SYT15B: variants seen among roughly 807,000 people sequenced by gnomAD.
The protein encoded by SYT15B is synaptotagmin 15B.
the SYT15B span, chr10:47,750,960 AAAAT>A: frequency 6.7e-6 from 1 of 148,318 alleles, no homozygotes; most frequent in Non-Finnish European, 1.5e-5. Context: ...ATAAAGGAGA[AAAAT>A]AAAATTATTT....
the SYT15B span, among the ~76,000 whole-genome samples, chr10:47,749,880 C>CA: frequency 2.0e-3 from 308 of 150,270 alleles, 15 homozygotes; most frequent in East Asian, 0.051. Context: ...ATTCAAGAGA[C>CA]ATGACATCAT....
chr10:47,756,301 G>GCCTCCTA, the SYT15B span: 1 of 192,090 alleles, frequency 5.2e-6, no homozygotes, highest in South Asian at 2.8e-4. Flanking sequence ...CCGGCTAGGA[G>GCCTCCTA]GGCACGTGCC....
the SYT15B span, among the ~76,000 whole-genome samples, chr10:47,756,409 G>A: frequency 3.9e-5 from 5 of 127,512 alleles, no homozygotes; most frequent in Non-Finnish European, 8.3e-5. Context: ...CTGCGGCCCA[G>A]GCGGGGCTCC....
chr10:47,747,977 C>G, the SYT15B span, among the ~76,000 whole-genome samples: 1 of 151,934 alleles, frequency 6.6e-6, no homozygotes, highest in Non-Finnish European at 1.5e-5. Context: ...AAACTCTAAG[C>G]TGAAGAACAG....
chr10:47,761,102 GCACACA>G, the SYT15B span, among the ~76,000 whole-genome samples: 186 of 145,572 alleles, frequency 1.3e-3, 5 homozygotes, highest in African/African-American at 4.3e-3. Flanking sequence ...ACACACACAC[GCACACA>G]CACACACACA....
the SYT15B span, chr10:47,757,915 C>G: frequency 6.3e-7 from 1 of 1,584,398 alleles, no homozygotes; most frequent in Non-Finnish European, 8.6e-7. Context: ...GTGACCTTGA[C>G]CATACCTCCA....
chr10:47,762,345 G>A, the SYT15B span, among the ~76,000 whole-genome samples: 1 of 145,834 alleles, frequency 6.9e-6, no homozygotes, highest in African/African-American at 2.5e-5. Context: ...CACCTGGGGC[G>A]GGCCAAAAAG....
the SYT15B span, among the ~76,000 whole-genome samples, chr10:47,749,381 A>C: frequency 6.6e-6 from 1 of 151,846 alleles, no homozygotes; most frequent in Non-Finnish European, 1.5e-5. Context: ...ATAATAAAAA[A>C]AAAACAGAGT....
the SYT15B span, among the ~76,000 whole-genome samples, chr10:47,761,834 AGAG>A: frequency 8.3e-6 from 1 of 120,208 alleles, no homozygotes; most frequent in African/African-American, 3.0e-5. Context: ...GCCAGCTCTC[AGAG>A]GAGAAGCCGT....
chr10:47,750,990 A>T, the SYT15B span: 10 of 144,072 alleles, frequency 6.9e-5, no homozygotes, highest in African/African-American at 2.3e-4. Context: ...GGTGCAGAGT[A>T]AGTATTTGAG....
At chr10:47,762,908 A>T in the SYT15B span, 1 of 1,418,526 alleles carries the variant, frequency 7.0e-7, no homozygotes, top group Non-Finnish European at 9.2e-7. Flanking sequence ...GAGCTCCCGG[A>T]AACCGCAGGG....
At chr10:47,746,640 T>G in the SYT15B span, among the ~76,000 whole-genome samples, 53 of 126,614 alleles carry the variant, frequency 4.2e-4, no homozygotes, top group African/African-American at 1.5e-3. Flanking sequence ...ATGGCGCCAC[T>G]GCACTCCAGC....
chr10:47,762,133 G>C, the SYT15B span, among the ~76,000 whole-genome samples: 1 of 144,940 alleles, frequency 6.9e-6, no homozygotes, highest in Non-Finnish European at 1.5e-5. Context: ...TGCAAGGCTG[G>C]ACTCTTCTCT....
chr10:47,756,560 C>T, the SYT15B span, among the ~76,000 whole-genome samples: 3 of 146,818 alleles, frequency 2.0e-5, no homozygotes, highest in African/African-American at 7.5e-5. Flanking sequence ...CCCTGGGGCC[C>T]CTTAAACACC....
chr10:47,762,207 C>CT, the SYT15B span, among the ~76,000 whole-genome samples: 1 of 151,844 alleles, frequency 6.6e-6, no homozygotes, highest in African/African-American at 2.4e-5. Context: ...GTTGGTGCGA[C>CT]GCGGTGGACG....
chr10:47,749,556 C>CTGGGAAACAATAAAAAA, the SYT15B span, among the ~76,000 whole-genome samples: 1 of 143,370 alleles, frequency 7.0e-6, no homozygotes, highest in Non-Finnish European at 1.5e-5. Context: ...ATAGCATTGT[C>CTGGGAAACAATAAAAAA]TGGGAAACAA....
chr10:47,762,835 C>T, the SYT15B span: 28 of 1,383,736 alleles, frequency 2.0e-5, no homozygotes, highest in Non-Finnish European at 2.5e-5. Flanking sequence ...GGCCGCAGTC[C>T]CGCCCCAGCC....
the SYT15B span, chr10:47,750,923 A>G: frequency 6.6e-6 from 1 of 151,042 alleles, no homozygotes; most frequent in Non-Finnish European, 1.5e-5. Flanking sequence ...TCAACAGTCA[A>G]TTAGTATAAG....
At chr10:47,747,125 T>G in the SYT15B span, among the ~76,000 whole-genome samples, 1 of 148,408 alleles carries the variant, frequency 6.7e-6, no homozygotes, top group Non-Finnish European at 1.5e-5. Context: ...GTGAACTACT[T>G]TTCCCTTCAG....
Sources: gnomAD v4.1 joint callset for allele counts (sites outside exome capture counted in the v4.1 genomes callset) on GRCh38, gnomAD v4.1.1 for gene constraint, MANE v1.5 for transcripts, NCBI Gene and HGNC (gene_info 2026-07-23, HGNC 2026-07-21) for gene names.